STARD6: variants seen among roughly 807,000 people sequenced by gnomAD.
The protein encoded by STARD6 is stAR-related lipid transfer protein 6.
In STARD6, 21 loss-of-function variants were observed where a neutral mutation model predicts 22.3. The ratio of observed to expected loss-of-function variants is 0.94; its 90% CI spans 0.67 to 1.35. The LOEUF (loss-of-function observed/expected upper bound fraction) is 1.35. STARD6 is among the 40% of genes most tolerant of loss of function. The pLI is 0.00. For missense variants in STARD6, 269 were observed against 266.9 expected (o/e 1.01, Z -0.05); for synonymous variants, 80 against 88.1 (o/e 0.91, Z 0.52).
intron 7 of STARD6, among the ~76,000 whole-genome samples, chr18:54,325,682 C>T (rs1200935155): frequency 4.6e-5 from 7 of 151,792 alleles, no homozygotes; most frequent in Non-Finnish European, 8.8e-5. Context: ...TGAGTGGCTG[C>T]GATTACAGGT....
intron 4 of STARD6, among the ~76,000 whole-genome samples, chr18:54,346,058 G>A (rs1048284392): frequency 4.6e-5 from 7 of 152,080 alleles, no homozygotes; most frequent in South Asian, 2.1e-4. Flanking sequence ...AACAGAAGAC[G>A]GATAAATTGA....
rs917312235 is a variant in STARD6, at chr18:54,342,596, C to G, written c.141-5345G>C. ...GCCTGATTCTCCTGCCTCAGCCTGC[C>G]GAGTGCCTGCGATTGCAGGCACGCG... is the stretch of plus-strand genomic sequence containing the variant. On this transcript the variant is annotated intron_variant, in intron 4 of 7. Transcript: ENST00000307844. 4.1e-5 allele frequency among the ~76,000 whole-genome samples: 5 copies of G among 121,670 alleles called. 1 individual carries two copies. The highest frequency in any genetic ancestry group is 6.8e-5 in the African/African-American group (2 of 29,428). The allele number at this position is 121,670 out of a possible 152,430, so 79.8% of individuals were successfully genotyped here.
chr18:54,354,290 A>G lies in STARD6; in HGVS notation c.91-187T>C, dbSNP rs554704533. ...TGTAGTGTACTGGCTATTCACAGGCACAATCATGGTGCATGACAGCCTCAA... is the reference window on the plus strand; with the variant it reads ...TGTAGTGTACTGGCTATTCACAGGCGCAATCATGGTGCATGACAGCCTCAA... On this transcript the variant is annotated intron_variant, in intron 3 of 7. Transcript: ENST00000307844. 1.6e-4 allele frequency: 102 copies of G among 634,458 alleles called. No homozygotes were observed. In the African/African-American group the frequency reaches 1.9e-3, roughly 12 times the overall value. 39.3% of individuals were successfully genotyped at this position (634,458 alleles called of 1,614,324 possible).
intron 5 of STARD6, among the ~76,000 whole-genome samples, chr18:54,332,896 C>A (rs1599297802): frequency 6.6e-6 from 1 of 151,712 alleles, no homozygotes; most frequent in African/African-American, 2.4e-5. Flanking sequence ...GAGAGTGAGA[C>A]CCTATCTCTA....
intron 3 of STARD6, 96 bp downstream of exon 3, chr18:54,354,388 C>A: frequency 8.7e-7 from 1 of 1,143,450 alleles, no homozygotes; most frequent in Admixed American, 2.1e-5. Context: ...ACCACTGCAC[C>A]TGGAACAGAA....
intron 5 of STARD6, among the ~76,000 whole-genome samples, chr18:54,332,660 A>C (rs2088874741): frequency 6.6e-6 from 1 of 152,128 alleles, no homozygotes; most frequent in African/African-American, 2.4e-5. Flanking sequence ...TCACTTGTCC[A>C]TTGGTGGGTA....
intron 1 of STARD6, chr18:54,357,124 T>C (rs541401746): frequency 2.9e-4 from 44 of 152,358 alleles, no homozygotes; most frequent in African/African-American, 9.9e-4. Flanking sequence ...TCTTCACTCA[T>C]AGGGTCAGTG....
At chr18:54,338,271 CAA>C (rs1337032912) in intron 4 of STARD6, among the ~76,000 whole-genome samples, 1 of 152,112 alleles carries the variant, frequency 6.6e-6, no homozygotes, top group Non-Finnish European at 1.5e-5. Context: ...TGACTGGTGA[CAA>C]AACTTCCAAG....
At chr18:54,330,734 T>C (rs1175590813) in intron 6 of STARD6, among the ~76,000 whole-genome samples, 5 of 152,136 alleles carry the variant, frequency 3.3e-5, no homozygotes, top group African/African-American at 9.6e-5. Context: ...TTTTAACCTC[T>C]ACTTCTTTTT....
chr18:54,352,129 G>GTT (rs556480398), intron 4 of STARD6, among the ~76,000 whole-genome samples: 58 of 131,168 alleles, frequency 4.4e-4, no homozygotes, highest in African/African-American at 5.8e-4. Context: ...ACTTGTTTTT[G>GTT]TTTTTTTTTT....
intron 4 of STARD6, among the ~76,000 whole-genome samples, chr18:54,347,804 T>C (rs1050815985): frequency 5.9e-5 from 9 of 152,210 alleles, no homozygotes; most frequent in Admixed American, 3.9e-4. Flanking sequence ...GCAACTTTAT[T>C]AATTACATTT....
chr18:54,332,827 C>T (rs2088876167), intron 5 of STARD6, among the ~76,000 whole-genome samples: 1 of 152,080 alleles, frequency 6.6e-6, no homozygotes, highest in Non-Finnish European at 1.5e-5. Context: ...ATCACTTGAG[C>T]CCAAGAGTTT....
At position 54,331,786 on chromosome 18, in the gene STARD6, A is replaced by C. The variant is rs73958758; in HGVS notation, c.341T>G (p.Leu114Ter). The change falls in exon 6 of 8, where the codon TTA (leucine) becomes TGA (stop). Residue 114 changes from leucine (L) to a stop codon, truncating the protein, a stop_gained. Coordinates refer to ENST00000307844, the MANE Select transcript of STARD6 (RefSeq NM_139171.2). LOFTEE classifies it high-confidence loss of function. ...TCCTTCGTAGCGCTTGATGTACACTAAGTCGATAAAGTCTCGAGGGGAAAT... is the reference window on the plus strand; with the variant it reads ...TCCTTCGTAGCGCTTGATGTACACTCAGTCGATAAAGTCTCGAGGGGAAAT... The part of the protein sequence containing the change: ...GSISPRDFID[L>*]VYIKRYEGNM... 1,064 of 1,613,404 alleles carry C rather than the reference A, an allele frequency of 6.6e-4. 9 individuals carry two copies. In the African/African-American group the frequency reaches 0.012, roughly 18 times the overall value.
intron 7 of STARD6, among the ~76,000 whole-genome samples, chr18:54,325,651 G>A (rs1300800059): frequency 2.0e-5 from 3 of 151,964 alleles, no homozygotes; most frequent in South Asian, 4.2e-4. Context: ...GAATTTAAGC[G>A]ATTCTCCAGC....
At chr18:54,331,511 G>C (rs577218780) in intron 6 of STARD6, among the ~76,000 whole-genome samples, 12 of 152,176 alleles carry the variant, frequency 7.9e-5, no homozygotes, top group Admixed American at 2.0e-4. Context: ...AGTGCTACAG[G>C]ATATATGCTG....
intron 1 of STARD6, among the ~76,000 whole-genome samples, chr18:54,357,479 T>C (rs1472907531): frequency 6.6e-6 from 1 of 152,106 alleles, no homozygotes; most frequent in African/African-American, 2.4e-5. Flanking sequence ...GGGGACTGCC[T>C]ACTAGCTGAG....
chr18:54,332,144 A>G (rs2144669226), intron 5 of STARD6, among the ~76,000 whole-genome samples: 1 of 152,348 alleles, frequency 6.6e-6, no homozygotes, highest in South Asian at 2.1e-4. Context: ...ACATCTAGAG[A>G]TAAGTACAGA....
intron 4 of STARD6, among the ~76,000 whole-genome samples, chr18:54,347,235 C>G (rs966663540): frequency 6.6e-6 from 1 of 152,020 alleles, no homozygotes; most frequent in African/African-American, 2.4e-5. Context: ...GTAACTTGCT[C>G]TAAACTGCAA....
intron 4 of STARD6, among the ~76,000 whole-genome samples, chr18:54,347,438 G>A (rs540307487): frequency 6.6e-6 from 1 of 152,096 alleles, no homozygotes; most frequent in Admixed American, 6.6e-5. Context: ...GGATACTGAT[G>A]TTACCAATTT....
Sources: gnomAD v4.1 joint callset for allele counts (sites outside exome capture counted in the v4.1 genomes callset) on GRCh38, gnomAD v4.1.1 for gene constraint, MANE v1.5 for transcripts, NCBI Gene and HGNC (gene_info 2026-07-23, HGNC 2026-07-21) for gene names.